CACNA1A: variants seen among roughly 807,000 people sequenced by gnomAD.
CACNA1A encodes calcium voltage-gated channel subunit alpha1 A.
In CACNA1A, 57 loss-of-function variants were observed where a neutral mutation model predicts 262.4. The observed-to-expected ratio is 0.22, with a 90% CI of 0.18 to 0.27. The LOEUF (loss-of-function observed/expected upper bound fraction) is 0.27, where lower values mean the gene tolerates loss of function less well. Among genes scored for constraint, CACNA1A ranks in the 10% least tolerant of loss-of-function variants. The pLI, the probability that CACNA1A is intolerant of heterozygous loss-of-function variation, is 1.00. For synonymous variants in CACNA1A, 1,431 were observed against 1,419.3 expected (o/e 1.01, Z -0.18); for missense variants, 2,526 against 3,562.8 (o/e 0.71, Z 7.41).
chr19:13,210,541 G>C, intron 44 of CACNA1A, 76 bp downstream of exon 44: 4 of 1,332,858 alleles, frequency 3.0e-6, no homozygotes, highest in Non-Finnish European at 4.2e-6. Context: ...GAGAGATGAC[G>C]GGACTCCCTG....
intron 19 of CACNA1A, among the ~76,000 whole-genome samples, chr19:13,292,011 T>C (rs879658577): frequency 6.6e-6 from 1 of 151,872 alleles, no homozygotes; most frequent in Admixed American, 6.6e-5. Flanking sequence ...AATTCTAGAG[T>C]GGAGCAGGTC....
chr19:13,444,850 T>C (rs1044863945), intron 3 of CACNA1A, among the ~76,000 whole-genome samples: 4 of 152,060 alleles, frequency 2.6e-5, no homozygotes, highest in African/African-American at 9.7e-5. Flanking sequence ...TAAAATCCAA[T>C]GATGCGGCCC....
chr19:13,459,017 C>G (rs912839793), intron 1 of CACNA1A, among the ~76,000 whole-genome samples: 1 of 152,150 alleles, frequency 6.6e-6, no homozygotes, highest in Non-Finnish European at 1.5e-5. Flanking sequence ...AACAGTATCC[C>G]TGGCCTGTGT....
chr19:13,479,983 G>T (rs997364979), intron 1 of CACNA1A, among the ~76,000 whole-genome samples: 2 of 152,184 alleles, frequency 1.3e-5, no homozygotes, highest in Non-Finnish European at 2.9e-5. Flanking sequence ...TGCTATAATG[G>T]CAGAGTAGAG....
At chr19:13,466,444 T>C (rs897637130) in intron 1 of CACNA1A, among the ~76,000 whole-genome samples, 2 of 151,746 alleles carry the variant, frequency 1.3e-5, no homozygotes, top group South Asian at 2.1e-4. Context: ...GGGTTCAAGC[T>C]ATTCTCGTGC....
At chr19:13,431,944 A>G (rs965137665) in intron 3 of CACNA1A, among the ~76,000 whole-genome samples, 1 of 151,572 alleles carries the variant, frequency 6.6e-6, no homozygotes, top group Non-Finnish European at 1.5e-5. Context: ...GTCCCTACTA[A>G]AAATACAAAA....
chr19:13,234,707 C>T, intron 34 of CACNA1A: 2 of 550,290 alleles, frequency 3.6e-6, no homozygotes, highest in Non-Finnish European at 3.3e-6. Context: ...GGCACGCCCC[C>T]TATCGGAAGA....
chr19:13,446,013 G>A (rs1024319423), intron 3 of CACNA1A, among the ~76,000 whole-genome samples: 3 of 152,144 alleles, frequency 2.0e-5, no homozygotes, highest in Admixed American at 6.5e-5. Flanking sequence ...GGTGGCTCAT[G>A]CCTGTAATCC....
At chr19:13,417,889 C>CA (rs113789898) in intron 3 of CACNA1A, among the ~76,000 whole-genome samples, 7,171 of 83,202 alleles carry the variant, frequency 0.086, 309 homozygotes, top group South Asian at 0.12. Flanking sequence ...GACTCCATCT[C>CA]AAAAAAAAAA....
intron 19 of CACNA1A, among the ~76,000 whole-genome samples, chr19:13,293,439 C>CTTTT (rs974515720): frequency 1.3e-3 from 106 of 80,892 alleles, no homozygotes; most frequent in Non-Finnish European, 1.6e-3. Context: ...TCAGTTAAAT[C>CTTTT]TTTTTTTTTT....
At chr19:13,217,179 C>G (rs74817605) in intron 38 of CACNA1A, among the ~76,000 whole-genome samples, 15 of 152,006 alleles carry the variant, frequency 9.9e-5, no homozygotes, top group African/African-American at 3.4e-4. Flanking sequence ...AATAGAGATT[C>G]TTCTGGGCAG....
At chr19:13,293,439 C>CTTTTTTTTTT (rs974515720) in intron 19 of CACNA1A, among the ~76,000 whole-genome samples, 13 of 80,896 alleles carry the variant, frequency 1.6e-4, no homozygotes, top group Admixed American at 1.8e-4. Flanking sequence ...TCAGTTAAAT[C>CTTTTTTTTTT]TTTTTTTTTT....
At chr19:13,348,790 C>CA (rs1322424539) in intron 6 of CACNA1A, among the ~76,000 whole-genome samples, 1 of 152,000 alleles carries the variant, frequency 6.6e-6, no homozygotes, top group Non-Finnish European at 1.5e-5. Flanking sequence ...GAGCCGAGAT[C>CA]ACGCCACTGT....
At chr19:13,453,967 G>A (rs763619994) in intron 2 of CACNA1A, among the ~76,000 whole-genome samples, 2 of 151,962 alleles carry the variant, frequency 1.3e-5, no homozygotes, top group African/African-American at 2.4e-5. Context: ...CTGTGACATT[G>A]TGAAATGTAT....
chr19:13,471,474 C>G (rs2061345764), intron 1 of CACNA1A, among the ~76,000 whole-genome samples: 1 of 152,184 alleles, frequency 6.6e-6, no homozygotes, highest in African/African-American at 2.4e-5. Flanking sequence ...GATGTATCAT[C>G]AGACCCCACC....
chr19:13,221,708 C>T (rs2055239837), intron 38 of CACNA1A, among the ~76,000 whole-genome samples: 1 of 152,130 alleles, frequency 6.6e-6, no homozygotes, highest in Non-Finnish European at 1.5e-5. Context: ...TGATCCTTGT[C>T]ATCCTTGGTC....
Position 13,209,428 on chromosome 19 carries a change from T to C in CACNA1A, c.6410A>G (p.Asp2137Gly). The change falls in exon 45 of 47, where the codon GAT (aspartate) becomes GGT (glycine). Residue 2137 changes from aspartate (D) to glycine (G), a missense_variant. Around this residue, in one of 17 missense-constraint regions of CACNA1A, gnomAD observed 929 missense variants for 868.1 expected, o/e 1.07. Coordinates refer to ENST00000360228, the MANE Select transcript of CACNA1A (RefSeq NM_001127222.2). ...VLGPKARRLD[D>G]YSLERVPPEE... ...GGGCGGGACCCGCTCCAGCGAGTAATCGTCCAGGCGTCGGGCCTTGGGGCC... is the reference window on the plus strand; with the variant it reads ...GGGCGGGACCCGCTCCAGCGAGTAACCGTCCAGGCGTCGGGCCTTGGGGCC... 1 of 1,389,592 alleles carries C rather than the reference T, an allele frequency of 7.2e-7. No homozygotes were observed. The highest frequency in any genetic ancestry group is 9.4e-7 in the Non-Finnish European group (1 of 1,067,564). The allele number at this position is 1,389,592 out of a possible 1,614,324, so 86.1% of individuals were successfully genotyped here.
intron 38 of CACNA1A, among the ~76,000 whole-genome samples, chr19:13,219,199 G>A (rs11671683): frequency 0.21 from 31,848 of 150,096 alleles, 3,723 homozygotes; most frequent in Middle Eastern, 0.27. Context: ...CAGCCACCAC[G>A]CCTGGCTAAT....
chr19:13,430,992 T>C (rs1187472678), intron 3 of CACNA1A, among the ~76,000 whole-genome samples: 1 of 151,432 alleles, frequency 6.6e-6, no homozygotes, highest in Non-Finnish European at 1.5e-5. Flanking sequence ...GCTTGGTGTG[T>C]AAGGGACAGC....
Sources: gnomAD v4.1 joint callset for allele counts (sites outside exome capture counted in the v4.1 genomes callset) on GRCh38, gnomAD v4.1.1 for gene constraint, gnomAD v4.1.1 regional missense constraint, MANE v1.5 for transcripts, NCBI Gene and HGNC (gene_info 2026-07-23, HGNC 2026-07-21) for gene names.